Variants in GPM6A observed in about 807,000 individuals in gnomAD.
GPM6A encodes the protein neuronal membrane glycoprotein M6-a.
In GPM6A, 7 loss-of-function variants were observed where a neutral mutation model predicts 32.1. The ratio of observed to expected loss-of-function variants is 0.22; its 90% CI spans 0.12 to 0.41. The LOEUF is 0.41. Among genes scored for constraint, GPM6A ranks in the 10% least tolerant of loss-of-function variants. GPM6A has a pLI of 1.00. For missense variants in GPM6A, 235 were observed against 347.2 expected (o/e 0.68, Z 2.57); for synonymous variants, 130 against 123.4 (o/e 1.05, Z -0.35).
chr4:175,872,815 A>G (rs1341942909), intron 1 of GPM6A: 2 of 152,214 alleles, frequency 1.3e-5, no homozygotes, highest in Admixed American at 1.3e-4. Flanking sequence ...CTGTGAAAAT[A>G]AAATTCTAAA....
intron 1 of GPM6A, among the ~76,000 whole-genome samples, chr4:175,704,678 A>T (rs1443132346): frequency 1.3e-5 from 2 of 152,164 alleles, no homozygotes; most frequent in Admixed American, 1.3e-4. Context: ...AATCCTATTC[A>T]TCTGTGATTT....
chr4:175,637,672 AT>A (rs1740840009), intron 6 of GPM6A, among the ~76,000 whole-genome samples: 1 of 966 alleles, frequency 1.0e-3, no homozygotes, highest in Non-Finnish European at 3.1e-3. Context: ...TATAATATAT[AT>A]AATATATATA....
At chr4:175,820,371 T>C (rs1331394582) in intron 1 of GPM6A, among the ~76,000 whole-genome samples, 1 of 152,004 alleles carries the variant, frequency 6.6e-6, no homozygotes, top group African/African-American at 2.4e-5. Flanking sequence ...GACTGGAGAG[T>C]TTTTATTCCT....
intron 1 of GPM6A, among the ~76,000 whole-genome samples, chr4:175,756,872 G>A (rs952452046): frequency 2.0e-5 from 3 of 152,062 alleles, no homozygotes; most frequent in Non-Finnish European, 2.9e-5. Flanking sequence ...AATTGAGATC[G>A]TAAGCAGACA....
At chr4:175,808,190 C>T (rs1415353969) in intron 1 of GPM6A, among the ~76,000 whole-genome samples, 1 of 152,074 alleles carries the variant, frequency 6.6e-6, no homozygotes, top group Non-Finnish European at 1.5e-5. Flanking sequence ...ATCTTACACA[C>T]ACAAAAAATG....
intron 1 of GPM6A, among the ~76,000 whole-genome samples, chr4:175,999,977 C>T (rs1410136120): frequency 6.6e-6 from 1 of 152,018 alleles, no homozygotes; most frequent in Non-Finnish European, 1.5e-5. Flanking sequence ...TTTCTATTTC[C>T]CCTATGCACT....
intron 1 of GPM6A, among the ~76,000 whole-genome samples, chr4:175,934,361 T>C (rs1258394756): frequency 6.6e-6 from 1 of 152,200 alleles, no homozygotes; most frequent in Non-Finnish European, 1.5e-5. Flanking sequence ...AAACCATACA[T>C]TAGCCACATG....
intron 4 of GPM6A, among the ~76,000 whole-genome samples, chr4:175,649,667 C>T (rs1741669670): frequency 6.6e-6 from 1 of 152,094 alleles, no homozygotes; most frequent in Non-Finnish European, 1.5e-5. Context: ...CTCATGTTTT[C>T]CTGTGGTAAC....
chr4:175,787,927 A>T (rs11721412), intron 1 of GPM6A: 78,315 of 152,242 alleles, frequency 0.51, 22,133 homozygotes, highest in East Asian at 0.88. Flanking sequence ...AATCAATCTC[A>T]TGAAGACGAA....
chr4:175,855,715 A>AG (rs1736395583), intron 1 of GPM6A, among the ~76,000 whole-genome samples: 1 of 152,230 alleles, frequency 6.6e-6, no homozygotes, highest in Non-Finnish European at 1.5e-5. Context: ...TAAATCAGCA[A>AG]GGGAAGGAGG....
intron 1 of GPM6A, among the ~76,000 whole-genome samples, chr4:175,758,438 C>T (rs1446640683): frequency 2.0e-5 from 3 of 152,074 alleles, no homozygotes; most frequent in Non-Finnish European, 4.4e-5. Flanking sequence ...TAGCCAGATT[C>T]AATTAAATCT....
At chr4:175,804,588 C>A (rs1441337185) in intron 1 of GPM6A, among the ~76,000 whole-genome samples, 1 of 152,128 alleles carries the variant, frequency 6.6e-6, no homozygotes, top group East Asian at 1.9e-4. Flanking sequence ...TGACATTAGA[C>A]ACTGCATATG....
At chr4:175,805,441 T>C (rs1734658436) in intron 1 of GPM6A, among the ~76,000 whole-genome samples, 1 of 152,198 alleles carries the variant, frequency 6.6e-6, no homozygotes, top group African/African-American at 2.4e-5. Context: ...TGCCTCACTT[T>C]TACTTGATAA....
At chr4:175,784,037 ACTTCAAAG>A (rs1452257623) in intron 1 of GPM6A, among the ~76,000 whole-genome samples, 1 of 152,116 alleles carries the variant, frequency 6.6e-6, no homozygotes, top group Non-Finnish European at 1.5e-5. Context: ...AAAAATAGTA[ACTTCAAAG>A]TGAAGTAACC....
intron 1 of GPM6A, among the ~76,000 whole-genome samples, chr4:175,707,510 T>G (rs1381292319): frequency 1.3e-5 from 2 of 152,226 alleles, no homozygotes; most frequent in Non-Finnish European, 2.9e-5. Flanking sequence ...TTATGTAATT[T>G]AGATATTAAT....
At chr4:175,801,905 G>T (rs1734487335) in intron 1 of GPM6A, among the ~76,000 whole-genome samples, 1 of 152,030 alleles carries the variant, frequency 6.6e-6, no homozygotes, top group Non-Finnish European at 1.5e-5. Context: ...GTAAAATAGT[G>T]GTCGCTCTTG....
In GPM6A at chr4:175,633,624, G is replaced by A. The variant is rs1740420573; in HGVS notation, c.*1281C>T. 6.6e-6 allele frequency: 1 copy of A among 152,490 alleles called. No homozygotes were observed. Among genetic ancestry groups the A allele is most frequent in the African/African-American group, 2.4e-5 (1 of 41,432 alleles). 9.4% of individuals were successfully genotyped at this position (152,490 alleles called of 1,614,324 possible). A position where few individuals can be genotyped will look rare whatever the true frequency, so the allele number is the denominator to read the frequency against. On this transcript the variant is annotated 3_prime_UTR_variant, in exon 7 of 7. Transcript: ENST00000393658. Reference sequence around the variant, plus strand: ...GTAGCATTAGAAATAATGAAAAGAAGAGCGTCAAGGTGAAAACAAACACCA... The same window carrying A: ...GTAGCATTAGAAATAATGAAAAGAAAAGCGTCAAGGTGAAAACAAACACCA...
chr4:175,920,568 C>T (rs1738632744), intron 1 of GPM6A, among the ~76,000 whole-genome samples: 1 of 152,116 alleles, frequency 6.6e-6, no homozygotes, highest in Admixed American at 6.5e-5. Flanking sequence ...AATTATACGG[C>T]TGGGCGTGGT....
chr4:175,756,305 T>A (rs1057111031), intron 1 of GPM6A, among the ~76,000 whole-genome samples: 2 of 152,026 alleles, frequency 1.3e-5, no homozygotes, highest in Admixed American at 6.6e-5. Flanking sequence ...GGGTTTCTGA[T>A]GGAGTGATGG....
Sources: gnomAD v4.1 joint callset for allele counts (sites outside exome capture counted in the v4.1 genomes callset) on GRCh38, gnomAD v4.1.1 for gene constraint, MANE v1.5 for transcripts, NCBI Gene and HGNC (gene_info 2026-07-23, HGNC 2026-07-21) for gene names.